ATR: variants seen among roughly 807,000 people sequenced by gnomAD.
ATR encodes the protein ATR checkpoint kinase, also known as serine/threonine-protein kinase ATR.
ATR carries 142 observed loss-of-function variants against 305.3 expected under a neutral mutation model. The ratio of observed to expected loss-of-function variants is 0.47; its 90% confidence interval spans 0.41 to 0.53. The LOEUF (loss-of-function observed/expected upper bound fraction) is 0.53. Among genes scored for constraint, ATR ranks in the 20% least tolerant of loss-of-function variants. The probability of loss-of-function intolerance (pLI) is 0.00; values close to 1 mark genes in which losing one functional copy is unlikely to be tolerated. For synonymous variants in ATR, 1,050 were observed against 1,068.1 expected (o/e 0.98, Z 0.33); for missense variants, 2,135 against 3,133.1 (o/e 0.68, Z 7.60).
chr3:142,524,750 G>C (rs181675931), intron 21 of ATR, among the ~76,000 whole-genome samples: 1 of 152,244 alleles, frequency 6.6e-6, no homozygotes, highest in Admixed American at 6.5e-5. Context: ...GGATGGAAAA[G>C]AGGGAGGAAG....
At chr3:142,536,727 C>T (rs1053263773) in intron 19 of ATR, among the ~76,000 whole-genome samples, 7 of 152,166 alleles carry the variant, frequency 4.6e-5, no homozygotes, top group African/African-American at 1.7e-4. Flanking sequence ...TCAGTGACCA[C>T]TTGTAAGACC....
At chr3:142,510,995 T>C (rs1262585534) in intron 27 of ATR, among the ~76,000 whole-genome samples, 1 of 152,140 alleles carries the variant, frequency 6.6e-6, no homozygotes, top group Non-Finnish European at 1.5e-5. Flanking sequence ...GGGTGTAGTG[T>C]AGTAATGCAT....
chr3:142,550,230 G>A lies in ATR; in HGVS notation c.2878C>T (p.Arg960Ter). Reference sequence around the variant, plus strand: ...CTCTGGTGAGCCACATCTTGTTTTCGCACGTCAGCATTCTGGCATGGAGTA... The same window carrying A: ...CTCTGGTGAGCCACATCTTGTTTTCACACGTCAGCATTCTGGCATGGAGTA... ...PNTPCQNADV[R>*]KQDVAHQREM... Residue 960 changes from arginine to a stop codon, truncating the protein, a stop_gained, in exon 14 of 47, where the codon CGA (arginine) becomes TGA (stop). Transcript: ENST00000350721. LOFTEE classifies it high-confidence loss of function. The A allele has an allele frequency of 3.1e-6, 5 of 1,614,058 alleles. No individual in the cohort carries two copies. The highest frequency in any genetic ancestry group is 2.5e-6 in the Non-Finnish European group (3 of 1,179,972).
intron 1 of ATR, among the ~76,000 whole-genome samples, chr3:142,576,986 A>G (rs1450700638): frequency 3.3e-5 from 5 of 152,188 alleles, no homozygotes; most frequent in African/African-American, 9.7e-5. Flanking sequence ...TGAATCTGAA[A>G]CCTAGCTCTG....
chr3:142,479,231 G>A (rs941687754), intron 36 of ATR, among the ~76,000 whole-genome samples: 4 of 152,134 alleles, frequency 2.6e-5, no homozygotes, highest in Non-Finnish European at 5.9e-5. Context: ...GGTACCGATT[G>A]TTCCTTTCCA....
In ATR at chr3:142,572,372, CTTTTTTTTTTTT is replaced by C. The variant is rs11318957; in HGVS notation, c.60-4230_60-4219del. ...GCGTGAGCCACCACGCCCGGCCTGA[CTTTTTTTTTTTT>C]TTTTTTTTTTTTTTTGATTATTCAA... On this transcript the variant is annotated intron_variant, in intron 1 of 46. Transcript: ENST00000350721. 1.6e-4 allele frequency among the ~76,000 whole-genome samples: 9 copies of C among 56,810 alleles called. No homozygotes were observed. In the East Asian group the frequency reaches 1.8e-3, roughly 11 times the overall value. The allele number at this position is 56,810 out of a possible 152,430, so 37.3% of individuals were successfully genotyped here.
intron 34 of ATR, among the ~76,000 whole-genome samples, chr3:142,495,925 T>A (rs779150948): frequency 6.6e-6 from 1 of 152,010 alleles, no homozygotes; most frequent in Non-Finnish European, 1.5e-5. Flanking sequence ...ATATTTACAG[T>A]AACACTGGCA....
intron 39 of ATR, 60 bp downstream of exon 39, chr3:142,467,874 C>G: frequency 6.3e-7 from 1 of 1,580,468 alleles, no homozygotes. Flanking sequence ...AAAAAATCTG[C>G]TCAAATTATA....
At chr3:142,573,408 C>A (rs1393695420) in intron 1 of ATR, among the ~76,000 whole-genome samples, 1 of 143,584 alleles carries the variant, frequency 7.0e-6, no homozygotes, top group African/African-American at 2.6e-5. Context: ...GAGCCAAGAT[C>A]GCACCACTGC....
intron 9 of ATR, 71 bp from the exon 10 acceptor site, chr3:142,556,210 T>C (rs1277536163): frequency 1.3e-6 from 2 of 1,569,282 alleles, no homozygotes; most frequent in African/African-American, 1.4e-5. Flanking sequence ...TTGCTTAATT[T>C]GGGACAAAAG....
At chr3:142,541,181 T>C (rs1036996521) in intron 17 of ATR, 147 bp from the exon 18 acceptor site, 8 of 1,066,128 alleles carry the variant, frequency 7.5e-6, no homozygotes, top group East Asian at 2.6e-5. Flanking sequence ...TTGGCCAGTT[T>C]GTTTTGTCCA....
At chr3:142,525,274 C>T (rs1021626465) in intron 21 of ATR, among the ~76,000 whole-genome samples, 8 of 152,094 alleles carry the variant, frequency 5.3e-5, no homozygotes, top group African/African-American at 1.7e-4. Context: ...ATACTAGTTA[C>T]CTCTTTGTTA....
chr3:142,490,373 G>C (rs2031207487), intron 35 of ATR, among the ~76,000 whole-genome samples: 1 of 152,074 alleles, frequency 6.6e-6, no homozygotes, highest in South Asian at 2.1e-4. Context: ...TCTTTAAATT[G>C]TCTTACTAAG....
At chr3:142,535,283 T>C in intron 20 of ATR, 78 bp from the exon 21 acceptor site, 2 of 1,562,156 alleles carry the variant, frequency 1.3e-6, no homozygotes, top group South Asian at 1.1e-5. Context: ...GAATTCTCTA[T>C]ATAGTTACCA....
rs149696012 is a variant in ATR at position 142,478,101 on chromosome 3, C to G, written c.6221+7039G>C. 1.0e-3 allele frequency among the ~76,000 whole-genome samples: 157 copies of G among 152,304 alleles called. 1 individual carries two copies. The highest frequency in any genetic ancestry group is 3.6e-3 in the African/African-American group (149 of 41,562). On this transcript the variant is annotated intron_variant, in intron 36 of 46. Coordinates refer to ENST00000350721, the MANE Select transcript of ATR (RefSeq NM_001184.4). ...TGTCTCCATCTCCTTCAGCTCTGCT[C>G]TGACCTAAGTTATTTCTTGCCTTCT...
At chr3:142,467,854 TAATC>T (rs1439922830) in intron 39 of ATR, 76 bp downstream of exon 39, 1 of 1,508,916 alleles carries the variant, frequency 6.6e-7, no homozygotes, top group African/African-American at 1.4e-5. Context: ...TTAATTTAAT[TAATC>T]AAATGAAAAA....
chr3:142,453,570 A>T (rs1000673939), intron 45 of ATR, among the ~76,000 whole-genome samples: 8 of 152,204 alleles, frequency 5.3e-5, no homozygotes, highest in African/African-American at 1.7e-4. Context: ...TTCAATAACG[A>T]TATAACATCT....
chr3:142,454,674 C>T lies in ATR; in HGVS notation c.7656-1441G>A, dbSNP rs1025218299. 1.1e-4 allele frequency among the ~76,000 whole-genome samples: 16 copies of T among 152,086 alleles called. No individual in the cohort carries two copies. The East Asian group carries it at 3.1e-3, about 29-fold the overall frequency. On this transcript the variant is annotated intron_variant, in intron 45 of 46. Coordinates refer to ENST00000350721, the MANE Select transcript of ATR (RefSeq NM_001184.4). ...GCCAGGATGGTCTTGATCTCCTGAC[C>T]TCGTGATCCGCCCGCCTCGGCCTCC...
At chr3:142,528,976 C>T (rs1022007326) in intron 21 of ATR, among the ~76,000 whole-genome samples, 6 of 144,990 alleles carry the variant, frequency 4.1e-5, no homozygotes, top group South Asian at 2.2e-4. Context: ...CTCTGCCTCC[C>T]GGGTTCAAGC....
Sources: allele counts gnomAD v4.1 joint callset (sites outside exome capture counted in the v4.1 genomes callset), GRCh38; gene constraint gnomAD v4.1.1; transcripts MANE v1.5; gene names NCBI Gene and HGNC (gene_info 2026-07-23, HGNC 2026-07-21).